The following DCBLD2 variants were observed in gnomAD, a reference collection of about 807,000 sequenced individuals.
The protein encoded by DCBLD2 is discoidin, CUB and LCCL domain containing 2, also known as discoidin, CUB and LCCL domain-containing protein 2.
In DCBLD2, 54 loss-of-function variants were observed where a neutral mutation model predicts 86.8. That is an observed-to-expected ratio of 0.62 (90% CI 0.50 to 0.78). The LOEUF (loss-of-function observed/expected upper bound fraction) is 0.78. DCBLD2 is among the 30% of genes least tolerant of loss of function. The pLI, the probability that DCBLD2 is intolerant of heterozygous loss-of-function variation, is 0.00. For missense variants in DCBLD2, 908 were observed against 954.2 expected, an observed-to-expected ratio of 0.95 and a Z score of 0.64; for synonymous variants, 354 against 341.3, an observed-to-expected ratio of 1.04 and a Z score of -0.41.
intron 3 of DCBLD2, among the ~76,000 whole-genome samples, chr3:98,830,411 G>A (rs949256999): frequency 1.3e-5 from 2 of 152,144 alleles, no homozygotes; most frequent in South Asian, 2.1e-4. Flanking sequence ...GTTGATTTTT[G>A]GATATGATAT....
chr3:98,868,459 T>C (rs1290262859), intron 2 of DCBLD2, among the ~76,000 whole-genome samples: 3 of 152,116 alleles, frequency 2.0e-5, no homozygotes, highest in Non-Finnish European at 4.4e-5. Context: ...AATTTATTTA[T>C]ATATTTTTTT....
chr3:98,857,522 C>T (rs879323723), intron 2 of DCBLD2, among the ~76,000 whole-genome samples: 19 of 152,052 alleles, frequency 1.2e-4, no homozygotes, highest in Non-Finnish European at 2.2e-4. Flanking sequence ...CTGATTGGTG[C>T]GTTTACAATC....
rs6792301 is a variant in DCBLD2, at chr3:98,874,712, G to T, written c.433+6828C>A. Among the ~76,000 whole-genome samples the T allele has an allele frequency of 4.3e-3, 652 of 152,232 alleles. 4 individuals are homozygous for T. The highest frequency in any genetic ancestry group is 0.014 in the African/African-American group (591 of 41,548). On this transcript the variant is annotated intron_variant, in intron 2 of 15. Coordinates refer to ENST00000326840, the MANE Select transcript of DCBLD2 (RefSeq NM_080927.4). ...GGTTTTAGTTTTCCTAAGGTGGGGCGCTGATCCAACAGGATTAGTGTACTT... is the reference window on the plus strand; with the variant it reads ...GGTTTTAGTTTTCCTAAGGTGGGGCTCTGATCCAACAGGATTAGTGTACTT...
At chr3:98,884,768 T>C (rs1028208613) in intron 1 of DCBLD2, among the ~76,000 whole-genome samples, 1 of 152,128 alleles carries the variant, frequency 6.6e-6, no homozygotes, top group African/African-American at 2.4e-5. Context: ...GCTTTTAAGG[T>C]GATTGAAAGT....
chr3:98,889,105 G>A (rs576340447), intron 1 of DCBLD2, among the ~76,000 whole-genome samples: 26 of 151,864 alleles, frequency 1.7e-4, no homozygotes, highest in African/African-American at 5.1e-4. Flanking sequence ...TGATATCTTC[G>A]CTTTCTAGCC....
At chr3:98,852,918 G>A (rs79642095) in intron 2 of DCBLD2, among the ~76,000 whole-genome samples, 6,071 of 152,202 alleles carry the variant, frequency 0.04, 366 homozygotes, top group African/African-American at 0.14. Flanking sequence ...GATGAGAAAC[G>A]TATTCCCAGC....
At chr3:98,864,220 T>C (rs1576189662) in intron 2 of DCBLD2, among the ~76,000 whole-genome samples, 1 of 152,028 alleles carries the variant, frequency 6.6e-6, no homozygotes, top group Non-Finnish European at 1.5e-5. Flanking sequence ...GCTGGAGAGG[T>C]TGTGGAGAAA....
chr3:98,823,644 G>GAAAAT (rs1942162626), intron 4 of DCBLD2, among the ~76,000 whole-genome samples: 1 of 151,950 alleles, frequency 6.6e-6, no homozygotes, highest in Non-Finnish European at 1.5e-5. Flanking sequence ...CTGCTATGAA[G>GAAAAT]TCATGCTGAA....
At chr3:98,851,929 T>A (rs575580081) in intron 2 of DCBLD2, among the ~76,000 whole-genome samples, 2 of 152,224 alleles carry the variant, frequency 1.3e-5, no homozygotes, top group South Asian at 4.1e-4. Context: ...TATACAAAAA[T>A]TAACTCAAGA....
At chr3:98,842,887 T>C (rs1277266470) in intron 3 of DCBLD2, among the ~76,000 whole-genome samples, 1 of 152,120 alleles carries the variant, frequency 6.6e-6, no homozygotes, top group South Asian at 2.1e-4. Flanking sequence ...TTATCAACAG[T>C]GAAGGATAGA....
intron 3 of DCBLD2, among the ~76,000 whole-genome samples, chr3:98,838,376 G>A (rs1288715742): frequency 5.4e-5 from 6 of 110,174 alleles, no homozygotes; most frequent in Admixed American, 9.0e-5. Flanking sequence ...ACGGGGTCTC[G>A]GCCGGGCAGA....
At chr3:98,877,729 C>T (rs1416218164) in intron 2 of DCBLD2, among the ~76,000 whole-genome samples, 2 of 152,012 alleles carry the variant, frequency 1.3e-5, no homozygotes, top group Admixed American at 1.3e-4. Flanking sequence ...TAAAAAGAAC[C>T]AGGGTTCCCT....
At chr3:98,870,806 A>AAAGAAAGAAAGGAAGAAAGG (rs1559794673) in intron 2 of DCBLD2, among the ~76,000 whole-genome samples, 4 of 123,300 alleles carry the variant, frequency 3.2e-5, no homozygotes, top group South Asian at 2.7e-4. Flanking sequence ...AGAAAGAAAG[A>AAAGAAAGAAAGGAAGAAAGG]AAGAAAGGTA....
chr3:98,835,900 A>G (rs1195804545), intron 3 of DCBLD2, among the ~76,000 whole-genome samples: 2 of 122,584 alleles, frequency 1.6e-5, no homozygotes, highest in Non-Finnish European at 1.7e-5. Context: ...GAGGAGATGA[A>G]TTTTTCTTTC....
In DCBLD2 at chr3:98,884,254, T is replaced by C. The variant is rs1576202970; in HGVS notation, c.206-2487A>G. On this transcript the variant is annotated intron_variant, in intron 1 of 15. Transcript: ENST00000326840. ...TCAACATTAAATTTTAGCTATCTTC[T>C]ATACTTGCTTTCATTTCATACACAA... Among the ~76,000 whole-genome samples the C allele has an allele frequency of 3.9e-5, 6 of 152,204 alleles. No individual in the cohort carries two copies. The South Asian group carries it at 1.2e-3, about 32-fold the overall frequency.
intron 3 of DCBLD2, among the ~76,000 whole-genome samples, chr3:98,840,738 C>T (rs1477116581): frequency 1.3e-5 from 2 of 152,166 alleles, no homozygotes; most frequent in Admixed American, 6.5e-5. Flanking sequence ...GCAATCCTCC[C>T]ACGTCAACCT....
intron 2 of DCBLD2, among the ~76,000 whole-genome samples, chr3:98,860,797 T>C (rs927324208): frequency 1.3e-5 from 2 of 152,168 alleles, no homozygotes; most frequent in African/African-American, 4.8e-5. Flanking sequence ...CCATCAATGC[T>C]TGGAAGAAAC....
At chr3:98,839,527 A>G (rs1397533783) in intron 3 of DCBLD2, among the ~76,000 whole-genome samples, 1 of 152,384 alleles carries the variant, frequency 6.6e-6, no homozygotes, top group East Asian at 1.9e-4. Flanking sequence ...AAACTATCAT[A>G]GAATAACAGT....
chr3:98,847,795 T>C (rs1330297711), intron 3 of DCBLD2, among the ~76,000 whole-genome samples: 2 of 152,198 alleles, frequency 1.3e-5, no homozygotes, highest in African/African-American at 4.8e-5. Flanking sequence ...ATTTAAATGA[T>C]TGTTTTGATA....
Sources: allele counts gnomAD v4.1 joint callset (sites outside exome capture counted in the v4.1 genomes callset), GRCh38; gene constraint gnomAD v4.1.1; transcripts MANE v1.5; gene names NCBI Gene and HGNC (gene_info 2026-07-23, HGNC 2026-07-21).